The following ACAD8 variants were observed in gnomAD, a reference collection of about 807,000 sequenced individuals.
ACAD8 encodes acyl-CoA dehydrogenase family member 8.
ACAD8 carries 47 observed loss-of-function variants against 53.1 expected under a neutral mutation model. That is an observed-to-expected ratio of 0.89 (90% CI 0.70 to 1.13). The LOEUF (loss-of-function observed/expected upper bound fraction) is 1.13. Among genes scored for constraint, ACAD8 ranks in the 50% most tolerant of loss-of-function variants. ACAD8 has a pLI of 0.00. For missense variants in ACAD8, 494 were observed against 535.0 expected (o/e 0.92, Z 0.76); for synonymous variants, 198 against 201.3 (o/e 0.98, Z 0.14).
intron 4 of ACAD8, 118 bp from the exon 5 acceptor site, chr11:134,258,890 A>T (rs1424085524): frequency 1.0e-6 from 1 of 956,038 alleles, no homozygotes; most frequent in Non-Finnish European, 1.7e-6. Flanking sequence ...TTTTGCAGTG[A>T]CACACTCTGA....
intron 4 of ACAD8, 97 bp downstream of exon 4, chr11:134,258,721 G>A: frequency 1.1e-6 from 1 of 946,072 alleles, no homozygotes. Flanking sequence ...GACATGTCGA[G>A]CCACTGTTTA....
At chr11:134,256,942 A>C in intron 2 of ACAD8, 146 bp from the exon 3 acceptor site, 1 of 889,744 alleles carries the variant, frequency 1.1e-6, no homozygotes, top group Non-Finnish European at 1.8e-6. Context: ...ATGTTAACTG[A>C]TAACCACTGT....
chr11:134,262,684 C>G, intron 10 of ACAD8, 62 bp downstream of exon 10: 1 of 1,546,666 alleles, frequency 6.5e-7, no homozygotes, highest in Non-Finnish European at 8.8e-7. Context: ...CTGCTTTCCC[C>G]ACTCTCTGTC....
In ACAD8 at chr11:134,261,851, C is replaced by T. The variant is rs896911473; in HGVS notation, c.1053C>T (p.Cys351=). The T allele has an allele frequency of 6.2e-7, 1 of 1,614,194 alleles. No individual in the cohort carries two copies. Among genetic ancestry groups the T allele is most frequent in the Admixed American group, 1.7e-5 (1 of 60,028 alleles). The part of the protein sequence containing the change: ...QEERKDAVAL[C]SMAKLFATDE... The stretch of plus-strand genomic sequence containing the variant: ...AGAGGAAGGATGCAGTGGCCTTGTG[C>T]TCCATGGCCAAGCTCTTTGCTACAG... The change falls in exon 9 of 11, where the codon TGC becomes TGT. Residue 351 remains cysteine (C), a synonymous_variant. Coordinates refer to ENST00000281182, the MANE Select transcript of ACAD8 (RefSeq NM_014384.3). The surrounding 1 kb of genome is among the most constrained non-coding windows in gnomAD (Gnocchi z 4.2).
intron 1 of ACAD8, 79 bp downstream of exon 1, chr11:134,253,788 C>T: frequency 1.4e-6 from 2 of 1,384,112 alleles, no homozygotes; most frequent in South Asian, 2.5e-5. Context: ...TGCAGTCTCC[C>T]CGTTCCATCC....
At position 134,261,881 on chromosome 11, in the gene ACAD8, A is replaced by G; in HGVS notation, c.1083A>G (p.Glu361=). Residue 361 remains glutamate (E), a synonymous_variant, in exon 9 of 11, where the codon GAA becomes GAG. Coordinates refer to ENST00000281182, the MANE Select transcript of ACAD8 (RefSeq NM_014384.3). The surrounding 1 kb of genome is among the most constrained non-coding windows in gnomAD (Gnocchi z 4.2). ...TGGCCAAGCTCTTTGCTACAGATGA[A>G]TGCTTTGCCGTAAGTGATTCCTCTG... ...CSMAKLFATD[E]CFAICNQALQ... 1 of 1,614,092 alleles carries G rather than the reference A, an allele frequency of 6.2e-7. No homozygotes were observed. The highest frequency in any genetic ancestry group is 1.3e-5 in the African/African-American group (1 of 75,050).
chr11:134,256,520 A>G (rs1475887876), intron 1 of ACAD8, 28 bp from the exon 2 acceptor site: 1 of 1,593,102 alleles, frequency 6.3e-7, no homozygotes, highest in Non-Finnish European at 8.6e-7. Flanking sequence ...ACCCTGTCCT[A>G]GAACAGTATA....
chr11:134,256,360 T>G (rs1472771957), intron 1 of ACAD8, among the ~76,000 whole-genome samples, 188 bp from the exon 2 acceptor site: 1 of 152,256 alleles, frequency 6.6e-6, no homozygotes, highest in Non-Finnish European at 1.5e-5. Flanking sequence ...GTGCTAGAAC[T>G]GTCCTTTCTC....
chr11:134,255,722 T>C (rs1345255040), intron 1 of ACAD8, among the ~76,000 whole-genome samples: 1 of 152,240 alleles, frequency 6.6e-6, no homozygotes, highest in East Asian at 1.9e-4. Context: ...ATGAGAGTAC[T>C]GATCACAGAA....
chr11:134,256,636 G>A lies in ACAD8; in HGVS notation c.198G>A (p.Glu66=). ...GAGAGATGGCTCCAAATATGGCAGA[G>A]TGGGACCAGAAGGTAGGCGTTTTTC... is the stretch of plus-strand genomic sequence containing the variant. ...AAREMAPNMA[E]WDQKELFPVD... The change falls in exon 2 of 11, where the codon GAG becomes GAA. Residue 66 remains glutamate, a synonymous_variant. Coordinates refer to ENST00000281182, the MANE Select transcript of ACAD8 (RefSeq NM_014384.3). 1 of 1,614,220 alleles carries A rather than the reference G, an allele frequency of 6.2e-7. No homozygotes were observed. Among genetic ancestry groups the A allele is most frequent in the Non-Finnish European group, 8.5e-7 (1 of 1,180,030 alleles).
At chr11:134,255,294 C>A (rs1939453644) in intron 1 of ACAD8, among the ~76,000 whole-genome samples, 1 of 152,090 alleles carries the variant, frequency 6.6e-6, no homozygotes, top group Non-Finnish European at 1.5e-5. Context: ...TGCCACCATG[C>A]CCAGCTAATT....
Position 134,262,676 on chromosome 11 carries a change from G to A in ACAD8, c.1195+54G>A, listed in dbSNP as rs866514202. On this transcript the variant is annotated intron_variant, in intron 10 of 10. Coordinates refer to ENST00000281182, the MANE Select transcript of ACAD8 (RefSeq NM_014384.3). ...CCTTCAGAACGGGGGCGGGATCGCT[G>A]CTTTCCCCACTCTCTGTCCCCATGC... The A allele has an allele frequency of 9.6e-6, 15 of 1,558,124 alleles. No individual in the cohort carries two copies. The Middle Eastern group carries it at 2.2e-3, about 227-fold the overall frequency.
At chr11:134,257,390 G>T in intron 3 of ACAD8, 133 bp downstream of exon 3, 1 of 1,176,350 alleles carries the variant, frequency 8.5e-7, no homozygotes, top group Non-Finnish European at 1.2e-6. Context: ...GTACACTCTA[G>T]GGGCCGGGCG....
At chr11:134,260,825 A>G (rs1177516251) in intron 6 of ACAD8, 20 of 586,450 alleles carry the variant, frequency 3.4e-5, no homozygotes, top group Non-Finnish European at 4.5e-5. Flanking sequence ...AGACATTAGT[A>G]GATTCTCTTA....
intron 1 of ACAD8, among the ~76,000 whole-genome samples, chr11:134,256,217 TTCAG>T (rs1271765935): frequency 6.6e-6 from 1 of 152,260 alleles, no homozygotes; most frequent in East Asian, 1.9e-4. Context: ...CATAGTGCTC[TTCAG>T]TGTCAGTTAT....
intron 10 of ACAD8, chr11:134,263,072 G>A (rs1415734783): frequency 8.6e-6 from 10 of 1,168,390 alleles, no homozygotes; most frequent in Non-Finnish European, 9.7e-6. Context: ...TATTACTAGT[G>A]TATTTTTCAA....
At chr11:134,260,252 C>A in intron 6 of ACAD8, 1 of 1,030,890 alleles carries the variant, frequency 9.7e-7, no homozygotes, top group Non-Finnish European at 1.2e-6. Context: ...GATTAAGAGC[C>A]GCCATGGCCA....
Position 134,257,226 on chromosome 11 carries a change from A to T in ACAD8, c.349A>T (p.Thr117Ser). 1 of 1,614,168 alleles carries T rather than the reference A, an allele frequency of 6.2e-7. No homozygotes were observed. Among genetic ancestry groups the T allele is most frequent in the Non-Finnish European group, 8.5e-7 (1 of 1,180,032 alleles). Residue 117 changes from threonine (T) to serine (S), a missense_variant, in exon 3 of 11, where the codon ACC becomes TCC. Coordinates refer to ENST00000281182, the MANE Select transcript of ACAD8 (RefSeq NM_014384.3). ...VIFEALATGCTSTTAYISIHN... is the reference protein window; with the variant it reads ...VIFEALATGCSSTTAYISIHN... ...TTTTGAAGCCTTGGCTACAGGCTGC[A>T]CCAGCACCACAGCCTATATAAGCAT...
rs1276829357 is a variant in ACAD8 at position 134,259,097 on chromosome 11, G to A, written c.567+13G>A. 1.2e-5 allele frequency: 20 copies of A among 1,612,762 alleles called. No homozygotes were observed. The highest frequency in any genetic ancestry group is 2.2e-5 in the East Asian group (1 of 44,888). ...CAATGGCTCCAAGGTACTAGCGTGC[G>A]TCCTCCCAGAGCACTTTGGAGATTG... is the stretch of plus-strand genomic sequence containing the variant. On this transcript the variant is annotated intron_variant, in intron 5 of 10. Transcript: ENST00000281182.
Sources: allele counts gnomAD v4.1 joint callset (sites outside exome capture counted in the v4.1 genomes callset), GRCh38; gene constraint gnomAD v4.1.1; non-coding constraint Gnocchi (gnomAD v3.1); transcripts MANE v1.5; gene names NCBI Gene and HGNC (gene_info 2026-07-23, HGNC 2026-07-21).